FRAS1: variants seen among roughly 807,000 people sequenced by gnomAD.
FRAS1 encodes the protein Fraser extracellular matrix complex subunit 1.
A neutral mutation model predicts 435.2 loss-of-function variants in FRAS1; 290 were observed. That is an observed-to-expected ratio of 0.67 (90% confidence interval 0.61 to 0.73). The LOEUF (loss-of-function observed/expected upper bound fraction) is 0.73, where lower values mean the gene tolerates loss of function less well. FRAS1 is among the 30% of genes least tolerant of loss of function. FRAS1 has a pLI of 0.00. For missense variants in FRAS1, 4,860 were observed against 5,001.5 expected (o/e 0.97, Z 0.85); for synonymous variants, 1,800 against 1,851.0 (o/e 0.97, Z 0.71).
chr4:78,282,249 G>A (rs533898220), intron 11 of FRAS1, among the ~76,000 whole-genome samples: 45 of 152,120 alleles, frequency 3.0e-4, no homozygotes, highest in Non-Finnish European at 5.6e-4. Flanking sequence ...GTTTATTTTC[G>A]TAATTTGCTT....
At chr4:78,184,105 C>G (rs1366223522) in intron 2 of FRAS1, among the ~76,000 whole-genome samples, 1 of 152,176 alleles carries the variant, frequency 6.6e-6, no homozygotes, top group African/African-American at 2.4e-5. Context: ...TTGAGAAACA[C>G]TGCTCTGGGT....
chr4:78,333,359 A>G lies in FRAS1; in HGVS notation c.2225A>G (p.Gln742Arg). The G allele has an allele frequency of 6.2e-7, 1 of 1,612,418 alleles. No individual in the cohort carries two copies. The highest frequency in any genetic ancestry group is 8.5e-7 in the Non-Finnish European group (1 of 1,179,266). Reference sequence around the variant, plus strand: ...CCTTCCCATGTGCTGTTGGATGGGCAGTGCCTCTCCCAGTGCCCAGATGGC... The same window carrying G: ...CCTTCCCATGTGCTGTTGGATGGGCGGTGCCTCTCCCAGTGCCCAGATGGC... ...CGPSHVLLDG[Q>R]CLSQCPDGYF... Residue 742 changes from glutamine to arginine, a missense_variant, in exon 19 of 74, where the codon CAG (glutamine) becomes CGG (arginine). By Grantham distance (43) the Gln-to-Arg change is conservative. Transcript: ENST00000512123.
At chr4:78,137,415 G>A (rs1369838469) in intron 2 of FRAS1, among the ~76,000 whole-genome samples, 1 of 152,056 alleles carries the variant, frequency 6.6e-6, no homozygotes, top group Non-Finnish European at 1.5e-5. Context: ...TTTCTCTTAG[G>A]CATAATGAAG....
At position 78,279,290 on chromosome 4, in the gene FRAS1, G is replaced by T. The variant is rs577366025; in HGVS notation, c.1071+546G>T. ...TTAGTGAATGAGGGAGAAAGGCATT[G>T]GCCATGAGGTCTAGTAAGTAGCCTG... On this transcript the variant is annotated intron_variant, in intron 10 of 73. Coordinates refer to ENST00000512123, the MANE Select transcript of FRAS1 (RefSeq NM_025074.7). Among the ~76,000 whole-genome samples, 11 of 152,358 alleles carry T rather than the reference G, an allele frequency of 7.2e-5. No individual in the cohort carries two copies. The South Asian group carries it at 2.1e-3, about 29-fold the overall frequency.
intron 31 of FRAS1, among the ~76,000 whole-genome samples, chr4:78,412,427 T>TG (rs1423941134): frequency 1.3e-5 from 2 of 152,212 alleles, no homozygotes; most frequent in African/African-American, 4.8e-5. Flanking sequence ...TTACAGTAAT[T>TG]GTGAATGTTA....
chr4:78,208,195 A>G (rs1560581372), intron 2 of FRAS1, among the ~76,000 whole-genome samples: 3 of 152,186 alleles, frequency 2.0e-5, no homozygotes, highest in South Asian at 2.1e-4. Context: ...AAGAGAGATA[A>G]CAATCACTAC....
At position 78,537,128 on chromosome 4, in the gene FRAS1, A is replaced by C. The variant is rs1284403236; in HGVS notation, c.11226A>C (p.Thr3742=). The C allele has an allele frequency of 1.2e-6, 2 of 1,613,914 alleles. No individual in the cohort carries two copies. Among genetic ancestry groups the C allele is most frequent in the Non-Finnish European group, 1.7e-6 (2 of 1,179,898 alleles). Residue 3742 remains threonine, a synonymous_variant, in exon 72 of 74, where the codon ACA becomes ACC. Coordinates refer to ENST00000512123, the MANE Select transcript of FRAS1 (RefSeq NM_025074.7). ...GYVPFFDPTG[T]IYNEGPQYGC... ...TGCCTTTCTTTGATCCCACGGGGAC[A>C]ATCTACAATGAAGGGCCCCAGTATG...
intron 20 of FRAS1, among the ~76,000 whole-genome samples, chr4:78,345,659 T>C (rs1021469160): frequency 2.0e-5 from 3 of 152,116 alleles, no homozygotes; most frequent in Non-Finnish European, 4.4e-5. Context: ...TATCTCTTAT[T>C]GCTTGAATCA....
At chr4:78,531,766 C>T (rs1387698043) in intron 70 of FRAS1, among the ~76,000 whole-genome samples, 5 of 152,096 alleles carry the variant, frequency 3.3e-5, no homozygotes, top group Admixed American at 2.6e-4. Context: ...TGTGCATGTA[C>T]CCCATATGGC....
intron 64 of FRAS1, among the ~76,000 whole-genome samples, chr4:78,512,640 C>T (rs573307753): frequency 1.3e-5 from 2 of 152,186 alleles, no homozygotes; most frequent in Non-Finnish European, 2.9e-5. Context: ...GGAAATATTC[C>T]TTGTCCTCAT....
Position 78,282,985 on chromosome 4 carries a change from C to G in FRAS1, c.1255+18C>G, listed in dbSNP as rs370764761. ...CACATCAGGTGGGTCCATGTCTCCT[C>G]TGTTTCTACTGAGATAGTTTTACTG... is the stretch of plus-strand genomic sequence containing the variant. On this transcript the variant is annotated intron_variant, in intron 12 of 73. Transcript: ENST00000512123. 1.4e-6 allele frequency: 2 copies of G among 1,430,172 alleles called. No individual in the cohort carries two copies. Among genetic ancestry groups the G allele is most frequent in the African/African-American group, 3.0e-5 (2 of 67,530 alleles). The allele number at this position is 1,430,172 out of a possible 1,614,324, so 88.6% of individuals were successfully genotyped here. A position where few individuals can be genotyped will look rare whatever the true frequency, so the allele number is the denominator to read the frequency against.
intron 29 of FRAS1, among the ~76,000 whole-genome samples, chr4:78,388,905 T>C (rs1732335856): frequency 6.6e-6 from 1 of 152,236 alleles, no homozygotes; most frequent in African/African-American, 2.4e-5. Context: ...TACTATTATT[T>C]ACTTAATATT....
chr4:78,503,214 A>G, intron 61 of FRAS1, among the ~76,000 whole-genome samples: 1 of 152,176 alleles, frequency 6.6e-6, no homozygotes, highest in East Asian at 1.9e-4. Flanking sequence ...TGGCATCAGG[A>G]TGATTCCGGC....
At chr4:78,083,866 G>A (rs1196136539) in intron 2 of FRAS1, among the ~76,000 whole-genome samples, 1 of 151,872 alleles carries the variant, frequency 6.6e-6, no homozygotes. Flanking sequence ...CTCTATCATT[G>A]CTTCCTTATA....
intron 30 of FRAS1, among the ~76,000 whole-genome samples, chr4:78,404,612 C>T (rs923683142): frequency 2.0e-5 from 3 of 152,156 alleles, no homozygotes; most frequent in Non-Finnish European, 4.4e-5. Context: ...TCATCTATCC[C>T]AATAGGTGAT....
intron 20 of FRAS1, among the ~76,000 whole-genome samples, chr4:78,355,965 G>A (rs1175440682): frequency 6.6e-6 from 1 of 152,142 alleles, no homozygotes; most frequent in Admixed American, 6.6e-5. Flanking sequence ...AAGAATTCAC[G>A]AGTTGCCTCC....
chr4:78,307,725 G>T (rs1014770836), intron 14 of FRAS1, among the ~76,000 whole-genome samples: 1 of 152,218 alleles, frequency 6.6e-6, no homozygotes, highest in African/African-American at 2.4e-5. Flanking sequence ...GGCGCATGGT[G>T]CATGCACCCA....
intron 47 of FRAS1, among the ~76,000 whole-genome samples, chr4:78,462,740 T>G (rs542808710): frequency 1.8e-4 from 28 of 152,316 alleles, no homozygotes; most frequent in African/African-American, 6.5e-4. Flanking sequence ...GTGCAACATT[T>G]CTTGCCTGTC....
At chr4:78,347,860 T>C (rs1329618752) in intron 20 of FRAS1, among the ~76,000 whole-genome samples, 5 of 150,750 alleles carry the variant, frequency 3.3e-5, no homozygotes, top group African/African-American at 1.2e-4. Context: ...TTCAATCCTA[T>C]ATTACCTTCC....
Sources: allele counts gnomAD v4.1 joint callset (sites outside exome capture counted in the v4.1 genomes callset), GRCh38; gene constraint gnomAD v4.1.1; transcripts MANE v1.5; gene names NCBI Gene and HGNC (gene_info 2026-07-23, HGNC 2026-07-21).